POLA1: variants seen among roughly 807,000 people sequenced by gnomAD.
POLA1 encodes DNA polymerase alpha 1, catalytic subunit, also known as DNA polymerase alpha catalytic subunit.
Under a neutral mutation model 124.0 loss-of-function variants are expected in POLA1, and 15 were observed. That is an observed-to-expected ratio of 0.12 (90% CI 0.08 to 0.19). The LOEUF (loss-of-function observed/expected upper bound fraction) is 0.19, where lower values mean the gene tolerates loss of function less well. Among genes scored for constraint, POLA1 ranks in the 10% least tolerant of loss-of-function variants. The pLI is 1.00. For missense variants in POLA1, 886 were observed against 1,103.4 expected (o/e 0.80, Z 2.79); for synonymous variants, 408 against 389.4 (o/e 1.05, Z -0.56).
intron 26 of POLA1, among the ~76,000 whole-genome samples, chrX:24,767,143 T>A (rs905819795): frequency 8.9e-6 from 1 of 112,195 alleles, no homozygotes; most frequent in East Asian, 2.8e-4. Flanking sequence ...GGACCTCTAT[T>A]CTAGTACAGG....
intron 26 of POLA1, among the ~76,000 whole-genome samples, chrX:24,804,423 A>G (rs967247574): frequency 2.7e-5 from 3 of 111,521 alleles, no homozygotes; most frequent in South Asian, 3.8e-4. Context: ...AAAACCATTT[A>G]TATTTTACTA....
intron 26 of POLA1, among the ~76,000 whole-genome samples, chrX:24,799,133 C>T (rs1423086067): frequency 8.9e-6 from 1 of 112,290 alleles, no homozygotes; most frequent in Non-Finnish European, 1.9e-5. Flanking sequence ...AACATTCTCC[C>T]TCGTCTCACT....
intron 36 of POLA1, among the ~76,000 whole-genome samples, chrX:24,978,628 A>G (rs767537167): frequency 1.4e-4 from 16 of 112,125 alleles, no homozygotes; most frequent in African/African-American, 5.2e-4. Context: ...TGTTGTCCCT[A>G]AATGATAGAT....
chrX:24,856,697 A>G (rs2046650431), intron 34 of POLA1, among the ~76,000 whole-genome samples: 1 of 111,580 alleles, frequency 9.0e-6, no homozygotes, highest in Non-Finnish European at 1.9e-5. Context: ...TTTAATATGT[A>G]TGGAATGGTA....
Position 24,733,798 on chromosome X carries a change from A to G in POLA1, c.1815A>G (p.Lys605=). The change falls in exon 17 of 37, where the codon AAA becomes AAG. Residue 605 remains lysine (K), a synonymous_variant. Coordinates refer to ENST00000379068, the MANE Select transcript of POLA1 (RefSeq NM_001330360.2). ...PKDCIFPYAF[K]EVIEKKNVKV... is the part of the protein sequence containing the mutation. ...ACTGTATTTTTCCATATGCTTTCAA[A>G]GAAGTCATTGAGAAAAAGGTAAAGT... 8.8e-7 allele frequency: 1 copy of G among 1,136,209 alleles called. No homozygotes were observed. The highest frequency in any genetic ancestry group is 2.5e-4 in the Middle Eastern group (1 of 4,027). 93.6% of individuals were successfully genotyped at this position (1,136,209 alleles called of 1,213,427 possible).
intron 35 of POLA1, among the ~76,000 whole-genome samples, chrX:24,904,504 T>C (rs1404206256): frequency 9.4e-6 from 1 of 106,507 alleles, no homozygotes; most frequent in Admixed American, 1.0e-4. Flanking sequence ...GCAGTGAGAG[T>C]CAGCAGGAGC....
chrX:24,732,327 A>G, intron 15 of POLA1, 43 bp from the exon 16 acceptor site: 1 of 777,110 alleles, frequency 1.3e-6, no homozygotes, highest in Non-Finnish European at 2.0e-6. Flanking sequence ...CAGAATGTAT[A>G]GTAGCGGTCT....
At chrX:24,805,142 C>G (rs922186255) in intron 26 of POLA1, among the ~76,000 whole-genome samples, 7 of 110,907 alleles carry the variant, frequency 6.3e-5, no homozygotes, top group African/African-American at 2.0e-4. Flanking sequence ...CACCCCTTTC[C>G]TGTTTCCCCC....
At chrX:24,732,492 G>C in intron 16 of POLA1, 38 bp downstream of exon 16, 2 of 827,696 alleles carry the variant, frequency 2.4e-6, no homozygotes, top group Non-Finnish European at 3.6e-6. Flanking sequence ...CTAACAGCTT[G>C]ATTTGAATTT....
rs554932818 is a variant in POLA1, at chrX:24,713,497, A to G, written c.347-1057A>G. 3.2e-4 allele frequency among the ~76,000 whole-genome samples: 35 copies of G among 110,372 alleles called. No individual in the cohort carries two copies. In the South Asian group the frequency reaches 0.012, roughly 37 times the overall value. On this transcript the variant is annotated intron_variant, in intron 4 of 36. Coordinates refer to ENST00000379068, the MANE Select transcript of POLA1 (RefSeq NM_001330360.2). ...AGTGGCGCGATCCCAGCTCACTGCA[A>G]TCTCGCCTCCGGGGTTCAAGCGATT...
rs937426458 is a variant in POLA1, at chrX:24,996,830, G to C, written c.*880G>C. ...CAGCAAAATGTATTTCAGTATGGCA[G>C]TCTTTCCTCTCTTACATTATTGGTA... On this transcript the variant is annotated 3_prime_UTR_variant, in exon 37 of 37. Coordinates refer to ENST00000379068, the MANE Select transcript of POLA1 (RefSeq NM_001330360.2). The C allele has an allele frequency of 8.9e-6, 1 of 111,896 alleles. No homozygotes were observed. The highest frequency in any genetic ancestry group is 3.3e-5 in the African/African-American group (1 of 30,691). 9.2% of individuals were successfully genotyped at this position (111,896 alleles called of 1,213,427 possible).
chrX:24,823,639 C>T (rs1243444589), intron 31 of POLA1, among the ~76,000 whole-genome samples: 4 of 111,685 alleles, frequency 3.6e-5, no homozygotes, highest in South Asian at 3.8e-4. Context: ...CCTGACCTCA[C>T]GTGATCCTCC....
At chrX:24,941,351 A>G (rs1213423119) in intron 36 of POLA1, among the ~76,000 whole-genome samples, 1 of 111,994 alleles carries the variant, frequency 8.9e-6, no homozygotes, top group Non-Finnish European at 1.9e-5. Context: ...TTAAACTGAC[A>G]TTGTTGTGTT....
chrX:24,728,097 G>A (rs1482175889), intron 15 of POLA1, among the ~76,000 whole-genome samples, 161 bp downstream of exon 15: 1 of 112,109 alleles, frequency 8.9e-6, no homozygotes, highest in African/African-American at 3.2e-5. Flanking sequence ...GTCTAGTGTT[G>A]GAGTTTTTTC....
chrX:24,717,245 G>T, intron 8 of POLA1, 45 bp from the exon 9 acceptor site: 2 of 1,107,663 alleles, frequency 1.8e-6, no homozygotes, highest in African/African-American at 3.7e-5. Context: ...GTGCCTTTGT[G>T]TCATCGCAAT....
intron 29 of POLA1, among the ~76,000 whole-genome samples, chrX:24,813,279 G>A (rs2045934170): frequency 9.0e-6 from 1 of 111,031 alleles, no homozygotes. Context: ...CCATTTTATG[G>A]CTTAAAATGT....
rs1320296214 is a variant in POLA1 at position 24,960,516 on chromosome X, A to G, written c.4261+29967A>G. Among the ~76,000 whole-genome samples the G allele has an allele frequency of 2.7e-5, 3 of 111,670 alleles. No homozygotes were observed. The Admixed American group carries it at 2.9e-4, about 11-fold the overall frequency. On this transcript the variant is annotated intron_variant, in intron 36 of 36. Coordinates refer to ENST00000379068, the MANE Select transcript of POLA1 (RefSeq NM_001330360.2). ...ACAGTATCAGAAAGATTCGATGGAA[A>G]GCTACTAAATTTGAAAAATCGATCC... is the stretch of plus-strand genomic sequence containing the variant.
chrX:24,733,069 C>T (rs1253358450), intron 16 of POLA1, among the ~76,000 whole-genome samples: 1 of 111,994 alleles, frequency 8.9e-6, no homozygotes, highest in Non-Finnish European at 1.9e-5. Context: ...TACCATTGAC[C>T]TATTATATTT....
rs891214373 is a variant in POLA1, at chrX:24,920,569, G to C, written c.4165-9884G>C. On this transcript the variant is annotated intron_variant, in intron 35 of 36. Coordinates refer to ENST00000379068, the MANE Select transcript of POLA1 (RefSeq NM_001330360.2). ...GTTGAAAATGCATCAATAAAAAGTGGCATAATAAAAGGATCAAGGGGCTTG... is the reference window on the plus strand; with the variant it reads ...GTTGAAAATGCATCAATAAAAAGTGCCATAATAAAAGGATCAAGGGGCTTG... Among the ~76,000 whole-genome samples the C allele has an allele frequency of 4.5e-5, 5 of 111,798 alleles. No individual in the cohort carries two copies. The South Asian group carries it at 1.1e-3, about 25-fold the overall frequency.
Sources: gnomAD v4.1 joint callset for allele counts (sites outside exome capture counted in the v4.1 genomes callset) on GRCh38, gnomAD v4.1.1 for gene constraint, MANE v1.5 for transcripts, NCBI Gene and HGNC (gene_info 2026-07-23, HGNC 2026-07-21) for gene names.